Variants in SHROOM4 observed in about 807,000 individuals in gnomAD.
SHROOM4 encodes the protein shroom family member 4.
SHROOM4 carries 17 observed loss-of-function variants against 80.3 expected under a neutral mutation model. The ratio of observed to expected loss-of-function variants is 0.21; its 90% CI spans 0.14 to 0.32. The LOEUF is 0.32. Ranked by LOEUF, SHROOM4 falls within the 10% of genes least tolerant of loss-of-function variation. The pLI, the probability that SHROOM4 is intolerant of heterozygous loss-of-function variation, is 1.00. For synonymous variants in SHROOM4, 400 were observed against 437.5 expected, an observed-to-expected ratio of 0.91 and a Z score of 1.07; for missense variants, 993 against 1,140.3, an observed-to-expected ratio of 0.87 and a Z score of 1.86.
At chrX:50,700,299 C>T (rs563398410) in intron 1 of SHROOM4, among the ~76,000 whole-genome samples, 3 of 112,112 alleles carry the variant, frequency 2.7e-5, no homozygotes, top group African/African-American at 6.5e-5. Context: ...ATATACCTTC[C>T]GAATATCTTT....
intron 1 of SHROOM4, among the ~76,000 whole-genome samples, chrX:50,796,546 G>T (rs1557272132): frequency 9.0e-6 from 1 of 111,287 alleles, no homozygotes; most frequent in African/African-American, 3.3e-5. Context: ...GTAGGGCTAG[G>T]ATTTTAACCC....
intron 1 of SHROOM4, among the ~76,000 whole-genome samples, chrX:50,740,369 T>C (rs1335129927): frequency 4.5e-5 from 5 of 111,851 alleles, no homozygotes; most frequent in Non-Finnish European, 7.5e-5. Flanking sequence ...GCATATTTTA[T>C]AATGATAAAA....
intron 2 of SHROOM4, among the ~76,000 whole-genome samples, chrX:50,668,842 A>C (rs1016868142): frequency 2.7e-4 from 30 of 113,010 alleles, no homozygotes; most frequent in Non-Finnish European, 2.8e-4. Context: ...AAATAAAAAA[A>C]CAAAATGAAT....
At chrX:50,615,468 C>G (rs1930197053) in intron 5 of SHROOM4, among the ~76,000 whole-genome samples, 1 of 111,260 alleles carries the variant, frequency 9.0e-6, no homozygotes, top group African/African-American at 3.3e-5. Context: ...CTAACAGCAC[C>G]CATTAATTTT....
At chrX:50,807,977 C>T (rs1936263019) in intron 1 of SHROOM4, among the ~76,000 whole-genome samples, 1 of 111,237 alleles carries the variant, frequency 9.0e-6, no homozygotes, top group African/African-American at 3.3e-5. Flanking sequence ...TGGTCAGATT[C>T]TCCTCAGTTA....
At chrX:50,723,379 AGG>A (rs1557265621) in intron 1 of SHROOM4, among the ~76,000 whole-genome samples, 1 of 30,817 alleles carries the variant, frequency 3.2e-5, no homozygotes, top group Non-Finnish European at 5.9e-5. Context: ...GGAGGGAGGG[AGG>A]GAGCAAGGGA....
At chrX:50,705,064 C>T (rs143290071) in intron 1 of SHROOM4, among the ~76,000 whole-genome samples, 4,862 of 111,792 alleles carry the variant, frequency 0.043, 282 homozygotes, top group African/African-American at 0.15. Context: ...GAGCCTAGGA[C>T]AGATCCCATT....
At chrX:50,618,959 G>C (rs1205558235) in intron 5 of SHROOM4, among the ~76,000 whole-genome samples, 1 of 111,541 alleles carries the variant, frequency 9.0e-6, no homozygotes, top group Admixed American at 9.5e-5. Context: ...AGGCTTTAGC[G>C]CCTCACTGAG....
downstream of SHROOM4, among the ~76,000 whole-genome samples, chrX:50,581,800 C>T (rs1928673161): frequency 8.9e-6 from 1 of 111,927 alleles, no homozygotes; most frequent in African/African-American, 3.2e-5. Context: ...ATGCAAACCC[C>T]CAGGCCTTCC....
intron 1 of SHROOM4, among the ~76,000 whole-genome samples, chrX:50,801,028 G>T (rs1936106181): frequency 9.1e-6 from 1 of 109,753 alleles, no homozygotes; most frequent in Non-Finnish European, 1.9e-5. Context: ...TATTCTGAAT[G>T]AGGCTCCTAA....
rs199678819 is a variant in SHROOM4, at chrX:50,748,131, C to T, written c.118-52194G>A. ...CATATATGATAGTATCCTGAAAGAT[C>T]GAGGCTGGCTGGAACAATGGAAAAC... On this transcript the variant is annotated intron_variant, in intron 1 of 8. Coordinates refer to ENST00000376020, the MANE Select transcript of SHROOM4 (RefSeq NM_020717.5). Among the ~76,000 whole-genome samples the T allele has an allele frequency of 5.4e-5, 6 of 111,326 alleles. No individual in the cohort carries two copies. In the East Asian group the frequency reaches 1.4e-3, roughly 26 times the overall value.
intron 5 of SHROOM4, among the ~76,000 whole-genome samples, chrX:50,625,786 G>T (rs1463621471): frequency 9.0e-6 from 1 of 111,248 alleles, no homozygotes; most frequent in Non-Finnish European, 1.9e-5. Context: ...TCACTTACCT[G>T]ATGGTAACCT....
chrX:50,648,099 G>C (rs960428579), intron 2 of SHROOM4, among the ~76,000 whole-genome samples: 1 of 111,956 alleles, frequency 8.9e-6, no homozygotes, highest in East Asian at 2.8e-4. Context: ...TGTGTGTGTG[G>C]GGGTCAACAG....
At chrX:50,753,303 A>G (rs1353542425) in intron 1 of SHROOM4, among the ~76,000 whole-genome samples, 1 of 111,817 alleles carries the variant, frequency 8.9e-6, no homozygotes, top group Admixed American at 9.5e-5. Flanking sequence ...AGTGGAGGAG[A>G]CTCTGAAGGA....
chrX:50,762,983 T>C lies in SHROOM4; in HGVS notation c.117+50919A>G, dbSNP rs190135221. On this transcript the variant is annotated intron_variant, in intron 1 of 8. Coordinates refer to ENST00000376020, the MANE Select transcript of SHROOM4 (RefSeq NM_020717.5). ...TTTCAGCTATTATGCATTCATTTTT[T>C]TCCTGCCCCATTTATACTCTTCTCC... is the stretch of plus-strand genomic sequence containing the variant. 3.8e-3 allele frequency among the ~76,000 whole-genome samples: 424 copies of C among 111,826 alleles called. 2 individuals carry two copies. The highest frequency in any genetic ancestry group is 0.013 in the African/African-American group (391 of 30,840).
intron 1 of SHROOM4, among the ~76,000 whole-genome samples, chrX:50,813,350 A>C (rs1431636309): frequency 2.7e-5 from 3 of 111,864 alleles, no homozygotes; most frequent in Non-Finnish European, 5.7e-5. Flanking sequence ...CAAGAGCTGA[A>C]TGGATGTGTG....
intron 5 of SHROOM4, among the ~76,000 whole-genome samples, chrX:50,615,716 C>A (rs1421661941): frequency 2.7e-5 from 3 of 110,884 alleles, no homozygotes; most frequent in Non-Finnish European, 5.7e-5. Context: ...GCAATGGGAA[C>A]AATGAGTAGC....
At position 50,785,643 on chromosome X, in the gene SHROOM4, C is replaced by T. The variant is rs181980818; in HGVS notation, c.117+28259G>A. 5.4e-5 allele frequency among the ~76,000 whole-genome samples: 6 copies of T among 111,537 alleles called. No individual in the cohort carries two copies. In the Admixed American group the frequency reaches 5.7e-4, roughly 11 times the overall value. ...TGCAAGCTACTGTAGTGATAGAAAG[C>T]ACATCAATGGTTGCCTGGGGGTTGT... On this transcript the variant is annotated intron_variant, in intron 1 of 8. Transcript: ENST00000376020.
At chrX:50,707,107 T>C (rs1933698205) in intron 1 of SHROOM4, among the ~76,000 whole-genome samples, 1 of 111,957 alleles carries the variant, frequency 8.9e-6, no homozygotes. Context: ...CAAATCCAGA[T>C]GATGGGCATA....
Sources: allele counts gnomAD v4.1 joint callset (sites outside exome capture counted in the v4.1 genomes callset), GRCh38; gene constraint gnomAD v4.1.1; transcripts MANE v1.5; gene names NCBI Gene and HGNC (gene_info 2026-07-23, HGNC 2026-07-21).